The following GRIP1 variants were observed in gnomAD, a reference collection of about 807,000 sequenced individuals.
GRIP1 encodes glutamate receptor-interacting protein 1.
A neutral mutation model predicts 129.9 loss-of-function variants in GRIP1; 45 were observed. That is an observed-to-expected ratio of 0.35 (90% CI 0.27 to 0.44). The LOEUF is 0.44. Ranked by LOEUF, GRIP1 falls within the 20% of genes least tolerant of loss-of-function variation. The probability of loss-of-function intolerance (pLI) is 1.00; values close to 1 mark genes in which losing one functional copy is unlikely to be tolerated. For synonymous variants in GRIP1, 530 were observed against 520.8 expected (o/e 1.02, Z -0.24); for missense variants, 1,196 against 1,396.8 (o/e 0.86, Z 2.29).
intron 1 of GRIP1, among the ~76,000 whole-genome samples, chr12:66,828,976 G>A (rs1206917186): frequency 6.6e-6 from 1 of 152,150 alleles, no homozygotes; most frequent in Non-Finnish European, 1.5e-5. Flanking sequence ...ATTTCAGAGA[G>A]ACTTCTCTTT....
At chr12:66,622,731 T>C (rs1174073509) in intron 1 of GRIP1, among the ~76,000 whole-genome samples, 1 of 152,136 alleles carries the variant, frequency 6.6e-6, no homozygotes, top group Non-Finnish European at 1.5e-5. Context: ...CTAACTTCAA[T>C]GATCTGGAAT....
intron 11 of GRIP1, among the ~76,000 whole-genome samples, chr12:66,448,820 A>T (rs1351554630): frequency 6.6e-6 from 1 of 152,214 alleles, no homozygotes; most frequent in Non-Finnish European, 1.5e-5. Flanking sequence ...CTGCTAGGGT[A>T]GCCTTTCTAA....
chr12:66,575,829 A>G (rs1005225227), intron 2 of GRIP1, among the ~76,000 whole-genome samples: 1 of 152,218 alleles, frequency 6.6e-6, no homozygotes, highest in Non-Finnish European at 1.5e-5. Flanking sequence ...CAGTGGCTTC[A>G]AAGGAGAAAA....
intron 13 of GRIP1, among the ~76,000 whole-genome samples, chr12:66,436,051 G>A (rs563914479): frequency 6.6e-6 from 1 of 152,328 alleles, no homozygotes; most frequent in South Asian, 2.1e-4. Flanking sequence ...TTTAGAGGAA[G>A]TACATAGAAT....
intron 1 of GRIP1, among the ~76,000 whole-genome samples, chr12:66,856,802 G>T (rs1364351810): frequency 6.6e-6 from 1 of 151,922 alleles, no homozygotes; most frequent in Non-Finnish European, 1.5e-5. Flanking sequence ...AACCATTGTG[G>T]AAGTCAGTGT....
chr12:66,811,450 G>C (rs903881182), intron 1 of GRIP1, among the ~76,000 whole-genome samples: 4 of 152,160 alleles, frequency 2.6e-5, no homozygotes, highest in Non-Finnish European at 5.9e-5. Flanking sequence ...GCTTTGAAGT[G>C]ATGAAAAATA....
At chr12:66,663,491 A>G (rs1018217904) in intron 1 of GRIP1, among the ~76,000 whole-genome samples, 6 of 152,150 alleles carry the variant, frequency 3.9e-5, no homozygotes, top group Non-Finnish European at 7.4e-5. Context: ...TTTTTGCTTC[A>G]TGGCACAGAG....
At chr12:66,897,976 T>A (rs529529809) in intron 1 of GRIP1, among the ~76,000 whole-genome samples, 2 of 152,294 alleles carry the variant, frequency 1.3e-5, no homozygotes, top group Admixed American at 6.5e-5. Flanking sequence ...CAAGAATACA[T>A]TGCCTAACCT....
At chr12:66,804,288 A>C (rs2038940577), upstream of GRIP1, 10 of 321,282 alleles carry the variant, frequency 3.1e-5, no homozygotes, top group South Asian at 2.6e-4. Flanking sequence ...CCAAACCTGG[A>C]CCAGGACAGC....
At chr12:66,802,492 G>A (rs2038886642) in intron 1 of GRIP1, among the ~76,000 whole-genome samples, 1 of 152,214 alleles carries the variant, frequency 6.6e-6, no homozygotes, top group South Asian at 2.1e-4. Context: ...ATATTTCTTA[G>A]ATACCTCCAT....
At chr12:66,504,871 C>T (rs541821287) in intron 7 of GRIP1, among the ~76,000 whole-genome samples, 1 of 152,100 alleles carries the variant, frequency 6.6e-6, no homozygotes, top group African/African-American at 2.4e-5. Flanking sequence ...TCCTTTATGC[C>T]AGGCACATTG....
Position 66,815,854 on chromosome 12 carries a change from T to TTCTCTCTCTC in GRIP1, c.59-218937_59-218928dup, listed in dbSNP as rs1555241803. On this transcript the variant is annotated intron_variant, in intron 1 of 1. Coordinates refer to the GRIP1 transcript ENST00000643019. The stretch of plus-strand genomic sequence containing the variant: ...TTTCTTTCTTTCTTTCTTTCTTTCT[T>TTCTCTCTCTC]TCTCTCTCTCTCTCTCTCTCTCTCT... Among the ~76,000 whole-genome samples, 628 of 116,800 alleles carry TTCTCTCTCTC rather than the reference T, an allele frequency of 5.4e-3. 3 individuals carry two copies. Among genetic ancestry groups the TTCTCTCTCTC allele is most frequent in the Middle Eastern group, 0.012 (3 of 244 alleles). The allele number at this position is 116,800 out of a possible 152,430, so 76.6% of individuals were successfully genotyped here. A position where few individuals can be genotyped will look rare whatever the true frequency, so the allele number is the denominator to read the frequency against.
At position 66,799,092 on chromosome 12, in the gene GRIP1, T is replaced by C. The variant is rs150330608; in HGVS notation, c.-420+4961A>G. 1.6e-4 allele frequency among the ~76,000 whole-genome samples: 25 copies of C among 152,292 alleles called. No homozygotes were observed. The East Asian group carries it at 4.4e-3, about 27-fold the overall frequency. On this transcript the variant is annotated intron_variant, in intron 1 of 4. Coordinates refer to the GRIP1 transcript ENST00000538373. ...GGACTCCGTAAGTTGATTAACTTGTTTGTATATGTTACTTTATCTAAAAAT... is the reference window on the plus strand; with the variant it reads ...GGACTCCGTAAGTTGATTAACTTGTCTGTATATGTTACTTTATCTAAAAAT...
chr12:66,996,222 T>C (rs2042464991), intron 1 of GRIP1, among the ~76,000 whole-genome samples: 1 of 152,102 alleles, frequency 6.6e-6, no homozygotes, highest in Non-Finnish European at 1.5e-5. Flanking sequence ...TGTTCTAAAA[T>C]TGATGTGATA....
Position 66,377,041 on chromosome 12 carries a change from C to T in GRIP1, c.2754G>A (p.Val918=). ...RELEEKADRR[V]SLRNMTLLAT... ...CCAAGAGAGTCATGTTTCTCAAAGA[C>T]ACACGCCTGTCAGCTTTCTCCTGTG... The change falls in exon 22 of 25, where the codon GTG becomes GTA. Residue 918 remains valine, a synonymous_variant. Coordinates refer to ENST00000359742, the MANE Select transcript of GRIP1 (RefSeq NM_001366722.1). 6.2e-7 allele frequency: 1 copy of T among 1,612,558 alleles called. No individual in the cohort carries two copies. The highest frequency in any genetic ancestry group is 1.1e-5 in the South Asian group (1 of 91,018).
At chr12:66,616,456 C>T (rs1417747013) in intron 1 of GRIP1, among the ~76,000 whole-genome samples, 2 of 152,162 alleles carry the variant, frequency 1.3e-5, no homozygotes, top group African/African-American at 4.8e-5. Flanking sequence ...ACTCCTCATA[C>T]TTCTGTGAGT....
At chr12:67,029,849 T>C (rs1220779666) in intron 1 of GRIP1, among the ~76,000 whole-genome samples, 3 of 151,940 alleles carry the variant, frequency 2.0e-5, no homozygotes, top group Non-Finnish European at 4.4e-5. Flanking sequence ...ACATTCAAGT[T>C]CTTCAAATAG....
intron 17 of GRIP1, 78 bp downstream of exon 17, chr12:66,394,130 G>A: frequency 7.8e-7 from 1 of 1,280,364 alleles, no homozygotes; most frequent in Non-Finnish European, 1.1e-6. Flanking sequence ...ACAGAGAGAG[G>A]AGCATGTTTT....
chr12:66,355,210 TTGTG>T (rs2054423739), intron 23 of GRIP1, among the ~76,000 whole-genome samples: 1 of 152,134 alleles, frequency 6.6e-6, no homozygotes, highest in Admixed American at 6.5e-5. Context: ...CATTCCATCA[TTGTG>T]TGTGCATGTG....
Sources: gnomAD v4.1 joint callset for allele counts (sites outside exome capture counted in the v4.1 genomes callset) on GRCh38, gnomAD v4.1.1 for gene constraint, MANE v1.5 for transcripts, NCBI Gene and HGNC (gene_info 2026-07-23, HGNC 2026-07-21) for gene names.